Variants in CDC14A observed in about 807,000 individuals in gnomAD.
CDC14A encodes the protein dual specificity protein phosphatase CDC14A.
In CDC14A, 53 loss-of-function variants were observed where a neutral mutation model predicts 74.4. The ratio of observed to expected loss-of-function variants is 0.71; its 90% confidence interval spans 0.57 to 0.89. The LOEUF is 0.89. Ranked by LOEUF, CDC14A falls within the 40% of genes least tolerant of loss-of-function variation. CDC14A has a pLI of 0.00. For missense variants in CDC14A, 646 were observed against 713.7 expected, an observed-to-expected ratio of 0.91 and a Z score of 1.08; for synonymous variants, 247 against 258.4, an observed-to-expected ratio of 0.96 and a Z score of 0.43.
At chr1:100,408,994 C>T (rs1660316825) in intron 4 of CDC14A, among the ~76,000 whole-genome samples, 1 of 152,014 alleles carries the variant, frequency 6.6e-6, no homozygotes, top group Admixed American at 6.6e-5. Context: ...TCTCCTTATC[C>T]CCTGTATTAG....
chr1:100,419,959 T>G (rs1469550734), intron 4 of CDC14A, among the ~76,000 whole-genome samples: 12 of 146,102 alleles, frequency 8.2e-5, no homozygotes, highest in Non-Finnish European at 1.7e-4. Context: ...TCACAAAATA[T>G]AAATATAATT....
chr1:100,402,537 C>T (rs891799763), intron 4 of CDC14A, among the ~76,000 whole-genome samples: 1 of 152,018 alleles, frequency 6.6e-6, no homozygotes, highest in Non-Finnish European at 1.5e-5. Flanking sequence ...TAAAAATAAA[C>T]ATCTTAATTA....
At chr1:100,479,435 C>T (rs771906556) in intron 10 of CDC14A, among the ~76,000 whole-genome samples, 4 of 152,148 alleles carry the variant, frequency 2.6e-5, no homozygotes, top group South Asian at 4.1e-4. Flanking sequence ...CCCGACCCCA[C>T]CTTCTGTGAG....
chr1:100,463,005 C>G, intron 9 of CDC14A, 124 bp downstream of exon 9: 1 of 675,050 alleles, frequency 1.5e-6, no homozygotes, highest in Admixed American at 2.8e-5. Flanking sequence ...AAATTTCAGA[C>G]AACTGGGACA....
At chr1:100,405,288 TCTA>T (rs1215876522) in intron 4 of CDC14A, among the ~76,000 whole-genome samples, 1 of 152,246 alleles carries the variant, frequency 6.6e-6, no homozygotes, top group Non-Finnish European at 1.5e-5. Context: ...CATAATATGA[TCTA>T]CTAGGATGAG....
chr1:100,476,235 A>G (rs943717394), intron 10 of CDC14A, among the ~76,000 whole-genome samples: 1 of 152,104 alleles, frequency 6.6e-6, no homozygotes, highest in African/African-American at 2.4e-5. Context: ...GGCAGATCGC[A>G]TGAGGTCAAG....
At chr1:100,476,033 C>G (rs1272962123) in intron 10 of CDC14A, among the ~76,000 whole-genome samples, 1 of 152,152 alleles carries the variant, frequency 6.6e-6, no homozygotes, top group African/African-American at 2.4e-5. Flanking sequence ...AGGGTTAGGG[C>G]CACAGTTTAT....
chr1:100,348,264 A>G (rs1650605306), upstream of CDC14A, among the ~76,000 whole-genome samples: 1 of 149,396 alleles, frequency 6.7e-6, no homozygotes, highest in Admixed American at 6.7e-5. Context: ...CCTGGGCAAC[A>G]GAGCAAGACT....
intron 4 of CDC14A, among the ~76,000 whole-genome samples, chr1:100,410,411 T>C (rs1660531827): frequency 2.6e-5 from 4 of 152,248 alleles, no homozygotes; most frequent in African/African-American, 7.2e-5. Context: ...AACCTCTGCC[T>C]CCCAGGTTCA....
chr1:100,482,412 C>A (rs1669575387), intron 10 of CDC14A, among the ~76,000 whole-genome samples: 1 of 152,024 alleles, frequency 6.6e-6, no homozygotes, highest in South Asian at 2.1e-4. Context: ...ACTATTTTTC[C>A]AGCCCACATT....
In CDC14A at chr1:100,353,856, A is replaced by AGTTTAT. The variant is rs1405291045; in HGVS notation, c.140+9_140+14dup. ...ATGAGGAGCTGGTCTATGAAAAGTAAGTTTATGTTTTGTTTTTTTTTCTCT... is the reference window on the plus strand; with the variant it reads ...ATGAGGAGCTGGTCTATGAAAAGTAAGTTTATGTTTATGTTTTGTTTTTTTTTCTCT... On this transcript the variant is annotated splice_donor_region_variant and intron_variant, in intron 2 of 15. Transcript: ENST00000336454. 8.3e-6 allele frequency: 13 copies of AGTTTAT among 1,573,506 alleles called. No homozygotes were observed. The highest frequency in any genetic ancestry group is 1.1e-5 in the Non-Finnish European group (13 of 1,147,402).
Position 100,386,854 on chromosome 1 carries a change from A to G in CDC14A, c.217-3878A>G, listed in dbSNP as rs764339117. 7.9e-5 allele frequency among the ~76,000 whole-genome samples: 12 copies of G among 152,338 alleles called. 2 individuals carry two copies. The South Asian group carries it at 2.5e-3, about 32-fold the overall frequency. ...GTCTGCATGGTAAAGTTCTTCCATG[A>G]AAGATCTCAAAAGAGAAGTTAATGT... On this transcript the variant is annotated intron_variant, in intron 3 of 15. Coordinates refer to ENST00000336454, the MANE Select transcript of CDC14A (RefSeq NM_003672.4).
intron 6 of CDC14A, among the ~76,000 whole-genome samples, chr1:100,440,291 C>T (rs933923015): frequency 6.6e-6 from 1 of 152,150 alleles, no homozygotes; most frequent in Admixed American, 6.5e-5. Context: ...TGCTTAGCTT[C>T]ATTATCAGGC....
chr1:100,420,082 A>ATATAT (rs58124351), intron 4 of CDC14A, among the ~76,000 whole-genome samples: 9 of 105,536 alleles, frequency 8.5e-5, no homozygotes, highest in African/African-American at 1.7e-4. Flanking sequence ...ATATATATAT[A>ATATAT]GTGTGTATGT....
In CDC14A at chr1:100,455,479, C is replaced by A. The variant is rs1225280995; in HGVS notation, c.594C>A (p.Ser198Arg). The A allele has an allele frequency of 6.3e-7, 1 of 1,581,448 alleles. No individual in the cohort carries two copies. ...FLAFSGPHPK[S>R]KIENGYPLHA... The stretch of plus-strand genomic sequence containing the variant: ...CATTTAGTGGACCACATCCTAAAAG[C>A]AAAATTGAGAATGGTAGGTTTTTTT... Residue 198 changes from serine (S) to arginine (R), a missense_variant, in exon 8 of 16, where the codon AGC becomes AGA. Coordinates refer to ENST00000336454, the MANE Select transcript of CDC14A (RefSeq NM_003672.4).
chr1:100,482,865 A>G (rs1479340302), intron 10 of CDC14A, among the ~76,000 whole-genome samples: 1 of 152,066 alleles, frequency 6.6e-6, no homozygotes. Flanking sequence ...TCTAGAGTAC[A>G]TGTGCACAAC....
intron 15 of CDC14A, among the ~76,000 whole-genome samples, chr1:100,513,159 A>G (rs1649925769): frequency 1.3e-5 from 2 of 152,220 alleles, no homozygotes. Flanking sequence ...AAAAACTGGA[A>G]ACTCTATTAC....
intron 8 of CDC14A, chr1:100,462,256 T>G (rs1287628020): frequency 5.0e-6 from 1 of 198,870 alleles, no homozygotes; most frequent in Non-Finnish European, 1.0e-5. Flanking sequence ...AAGCTTCAGC[T>G]GTAGTTGAAA....
At chr1:100,458,080 G>A (rs1266735036) in intron 8 of CDC14A, among the ~76,000 whole-genome samples, 1 of 152,150 alleles carries the variant, frequency 6.6e-6, no homozygotes, top group Non-Finnish European at 1.5e-5. Context: ...TGCCAGGAAG[G>A]GTGCTAAGCC....
Sources: allele counts gnomAD v4.1 joint callset (sites outside exome capture counted in the v4.1 genomes callset), GRCh38; gene constraint gnomAD v4.1.1; transcripts MANE v1.5; gene names NCBI Gene and HGNC (gene_info 2026-07-23, HGNC 2026-07-21).